Variants in SYTL4 observed in about 807,000 individuals in gnomAD.
SYTL4 encodes synaptotagmin like 4, also known as synaptotagmin-like protein 4.
SYTL4 carries 16 observed loss-of-function variants against 52.7 expected under a neutral mutation model. The observed-to-expected ratio is 0.30, with a 90% confidence interval of 0.21 to 0.46. SYTL4 has a LOEUF of 0.46. Among genes scored for constraint, SYTL4 ranks in the 20% least tolerant of loss-of-function variants. SYTL4 has a pLI of 1.00. For synonymous variants in SYTL4, 160 were observed against 186.6 expected (o/e 0.86, Z 1.16); for missense variants, 423 against 519.9 (o/e 0.81, Z 1.81).
chrX:100,696,206 G>A (rs1205265448), intron 8 of SYTL4, among the ~76,000 whole-genome samples: 1 of 111,896 alleles, frequency 8.9e-6, no homozygotes, highest in Non-Finnish European at 1.9e-5. Context: ...AAGTACCCAG[G>A]AATGAAATGA....
At chrX:100,693,416 A>T (rs1241690359) in intron 8 of SYTL4, among the ~76,000 whole-genome samples, 2 of 112,552 alleles carry the variant, frequency 1.8e-5, no homozygotes, top group East Asian at 5.5e-4. Context: ...GCTAAGAATC[A>T]TCGGTTACTC....
intron 8 of SYTL4, among the ~76,000 whole-genome samples, chrX:100,696,857 C>CAT (rs1448038393): frequency 9.2e-6 from 1 of 108,946 alleles, no homozygotes; most frequent in Non-Finnish European, 1.9e-5. Flanking sequence ...ATGATAAAGT[C>CAT]ATTTCCCTTT....
intron 2 of SYTL4, among the ~76,000 whole-genome samples, chrX:100,718,799 C>CTTT (rs372135486): frequency 1.4e-4 from 14 of 98,133 alleles, no homozygotes; most frequent in South Asian, 4.8e-4. Context: ...CTTTTCACTC[C>CTTT]TTTTTTTTTT....
chrX:100,693,573 A>G (rs747636148), intron 8 of SYTL4, among the ~76,000 whole-genome samples: 1 of 111,868 alleles, frequency 8.9e-6, no homozygotes, highest in African/African-American at 3.3e-5. Flanking sequence ...GTAGCCTCCT[A>G]ACTAATCCTG....
chrX:100,724,741 C>A (rs1047223314), intron 2 of SYTL4, among the ~76,000 whole-genome samples: 10 of 107,359 alleles, frequency 9.3e-5, no homozygotes, highest in Non-Finnish European at 1.5e-4. Flanking sequence ...TGCGGAAGGC[C>A]GCAGGGTCCT....
intron 19 of SYTL4, 23 bp from the exon 20 acceptor site, chrX:100,676,199 G>C: frequency 8.3e-7 from 1 of 1,209,158 alleles, no homozygotes. Flanking sequence ...ACCAGAAGAG[G>C]CTAAAGAGGG....
intron 8 of SYTL4, among the ~76,000 whole-genome samples, chrX:100,694,156 T>C (rs1047438593): frequency 3.6e-5 from 4 of 112,095 alleles, no homozygotes; most frequent in African/African-American, 1.3e-4. Context: ...TACTTTAAAA[T>C]TGATTAAAAT....
In SYTL4 at chrX:100,675,790, A is replaced by G. The variant is rs1488235643; in HGVS notation, c.*238T>C. On this transcript the variant is annotated 3_prime_UTR_variant, in exon 20 of 20. Coordinates refer to ENST00000372989, the MANE Select transcript of SYTL4 (RefSeq NM_001370165.1). ...AATAAACTAGATTATACACAGAAAC[A>G]TTTTAAAGAAATGCTTATTCTTGAG... 1 of 303,068 alleles carries G rather than the reference A, an allele frequency of 3.3e-6. No homozygotes were observed. Among genetic ancestry groups the G allele is most frequent in the African/African-American group, 2.7e-5 (1 of 37,530 alleles). 25.0% of individuals were successfully genotyped at this position (303,068 alleles called of 1,213,427 possible). A position where few individuals can be genotyped will look rare whatever the true frequency, so the allele number is the denominator to read the frequency against.
At chrX:100,701,880 A>ATCATTGG (rs2083861556) in intron 5 of SYTL4, 48 bp downstream of exon 5, 2 of 1,010,299 alleles carry the variant, frequency 2.0e-6, no homozygotes, top group Non-Finnish European at 2.8e-6. Flanking sequence ...AAGCCCAGAC[A>ATCATTGG]TCATTGGTCA....
intron 8 of SYTL4, among the ~76,000 whole-genome samples, chrX:100,696,241 T>A (rs929104842): frequency 1.8e-5 from 2 of 112,186 alleles, no homozygotes; most frequent in Admixed American, 1.9e-4. Flanking sequence ...AGGTGCACAA[T>A]GAACTTTTTA....
At chrX:100,690,707 C>T in intron 9 of SYTL4, 69 bp from the exon 10 acceptor site, 1 of 872,348 alleles carries the variant, frequency 1.1e-6, no homozygotes, top group Non-Finnish European at 1.6e-6. Context: ...GGGATCAAAG[C>T]TCTATGGAAG....
At chrX:100,690,889 T>A (rs1379674481) in intron 9 of SYTL4, among the ~76,000 whole-genome samples, 1 of 112,630 alleles carries the variant, frequency 8.9e-6, no homozygotes, top group Non-Finnish European at 1.9e-5. Context: ...CTAAGAAGAA[T>A]ACTCCAAGAT....
chrX:100,714,495 G>A (rs1467605437), intron 2 of SYTL4, among the ~76,000 whole-genome samples: 2 of 111,391 alleles, frequency 1.8e-5, no homozygotes, highest in South Asian at 3.8e-4. Flanking sequence ...TCCTGACCTC[G>A]TGATCTGCCC....
intron 18 of SYTL4, 93 bp downstream of exon 18, chrX:100,679,220 A>T (rs1359357091): frequency 4.1e-6 from 3 of 728,589 alleles, no homozygotes; most frequent in Non-Finnish European, 6.1e-6. Context: ...GAGTGGTAAG[A>T]CACACTGGAT....
At chrX:100,682,692 G>A (rs780021291) in intron 16 of SYTL4, among the ~76,000 whole-genome samples, 92 of 111,084 alleles carry the variant, frequency 8.3e-4, no homozygotes, top group Middle Eastern at 4.6e-3. Flanking sequence ...GGGCGACAGA[G>A]CCAGACCCTG....
intron 2 of SYTL4, among the ~76,000 whole-genome samples, chrX:100,722,000 C>A (rs759037574): frequency 9.1e-6 from 1 of 109,859 alleles, no homozygotes; most frequent in African/African-American, 3.3e-5. Context: ...TGGGGTTTCA[C>A]CATGTTGGCC....
intron 2 of SYTL4, among the ~76,000 whole-genome samples, chrX:100,708,453 T>G (rs773703247): frequency 2.1e-4 from 24 of 111,960 alleles, no homozygotes; most frequent in African/African-American, 7.8e-4. Flanking sequence ...AAAGGACATA[T>G]GTAGAATTCC....
intron 2 of SYTL4, among the ~76,000 whole-genome samples, chrX:100,706,566 G>T (rs776022227): frequency 8.9e-6 from 1 of 112,252 alleles, no homozygotes; most frequent in East Asian, 2.8e-4. Flanking sequence ...AAAATTAAAA[G>T]GCAAGAAGAC....
intron 17 of SYTL4, among the ~76,000 whole-genome samples, chrX:100,681,022 A>AAAAAGAAAAG (rs1181526155): frequency 9.0e-6 from 1 of 111,465 alleles, no homozygotes; most frequent in Admixed American, 9.6e-5. Flanking sequence ...AATAGCCTAA[A>AAAAAGAAAAG]AAAAGAAAAG....
Sources: allele counts gnomAD v4.1 joint callset (sites outside exome capture counted in the v4.1 genomes callset), GRCh38; gene constraint gnomAD v4.1.1; transcripts MANE v1.5; gene names NCBI Gene and HGNC (gene_info 2026-07-23, HGNC 2026-07-21).